MYLIP: variants seen among roughly 807,000 people sequenced by gnomAD.
MYLIP encodes the protein E3 ubiquitin-protein ligase MYLIP.
Under a neutral mutation model 45.8 loss-of-function variants are expected in MYLIP, and 26 were observed. The ratio of observed to expected loss-of-function variants is 0.57; its 90% CI spans 0.42 to 0.79. The LOEUF (loss-of-function observed/expected upper bound fraction) is 0.79, where lower values mean the gene tolerates loss of function less well. MYLIP is among the 30% of genes least tolerant of loss of function. The pLI is 0.00. For missense variants in MYLIP, 494 were observed against 555.6 expected, an observed-to-expected ratio of 0.89 and a Z score of 1.11; for synonymous variants, 213 against 218.1, an observed-to-expected ratio of 0.98 and a Z score of 0.21.
intron 2 of MYLIP, among the ~76,000 whole-genome samples, chr6:16,138,585 G>A (rs1237353401): frequency 6.6e-6 from 1 of 152,170 alleles, no homozygotes; most frequent in African/African-American, 2.4e-5. Flanking sequence ...GCTAGATTGT[G>A]GCTGGAGTTA....
Position 16,143,810 on chromosome 6 carries a change from C to T in MYLIP, c.774C>T (p.Thr258=). The change falls in exon 5 of 7, where the codon ACC becomes ACT. Residue 258 remains threonine, a synonymous_variant. Coordinates refer to ENST00000356840, the MANE Select transcript of MYLIP (RefSeq NM_013262.4). ...SIVLLFKMIS[T]RAASGLYRAI... ...TGCTCTTGTTTAAAATGATCAGCAC[C>T]AGGGCGGCCAGCGGGCTCTACCGAG... is the stretch of plus-strand genomic sequence containing the variant. 1 of 1,613,492 alleles carries T rather than the reference C, an allele frequency of 6.2e-7. No individual in the cohort carries two copies. The highest frequency in any genetic ancestry group is 8.5e-7 in the Non-Finnish European group (1 of 1,179,944).
chr6:16,137,227 T>C (rs1759574112), intron 2 of MYLIP, among the ~76,000 whole-genome samples: 1 of 152,236 alleles, frequency 6.6e-6, no homozygotes, highest in Admixed American at 6.5e-5. Context: ...AAAACTCTCA[T>C]AGCAATTCTG....
At chr6:16,161,333 A>G in the MYLIP span, 3 of 288,508 alleles carry the variant, frequency 1.0e-5, no homozygotes, top group Middle Eastern at 5.8e-4. Context: ...GGGTGCCCAC[A>G]ATTATCCTGA....
intron 2 of MYLIP, among the ~76,000 whole-genome samples, chr6:16,131,029 G>GGAAA (rs1491408324): frequency 8.7e-6 from 1 of 115,246 alleles, no homozygotes; most frequent in African/African-American, 3.4e-5. Flanking sequence ...GCTACCCCAG[G>GGAAA]AAAAAAAAAA....
chr6:16,154,395 C>CA, the MYLIP span, among the ~76,000 whole-genome samples: 1 of 152,162 alleles, frequency 6.6e-6, no homozygotes, highest in South Asian at 2.1e-4. Context: ...TGGTTCATTT[C>CA]ATTCTCACAA....
At chr6:16,155,667 T>G in the MYLIP span, among the ~76,000 whole-genome samples, 2 of 152,196 alleles carry the variant, frequency 1.3e-5, no homozygotes, top group Admixed American at 1.3e-4. Context: ...TCGAACCCAT[T>G]GCTCTCAGCT....
In MYLIP at chr6:16,129,216, G is replaced by A; in HGVS notation, c.-107G>A. 1.6e-6 allele frequency: 2 copies of A among 1,230,540 alleles called. No individual in the cohort carries two copies. The highest frequency in any genetic ancestry group is 2.3e-6 in the Non-Finnish European group (2 of 876,180). The allele number at this position is 1,230,540 out of a possible 1,614,324, so 76.2% of individuals were successfully genotyped here. The stretch of plus-strand genomic sequence containing the variant: ...AAGGGTCCGCAGAGCTGCAGCCTTC[G>A]AGGGCCAGCCCTCTCCGAGTCCGGG... On this transcript the variant is annotated 5_prime_UTR_variant, in exon 1 of 7. Transcript: ENST00000356840. This position sits in a 1 kb window ranked among gnomAD's most constrained non-coding sequence, Gnocchi z 5.1.
chr6:16,153,287 T>C, the MYLIP span, among the ~76,000 whole-genome samples: 1 of 152,212 alleles, frequency 6.6e-6, no homozygotes, highest in Non-Finnish European at 1.5e-5. Flanking sequence ...AACGGTAGGA[T>C]AAAAATATAG....
the MYLIP span, among the ~76,000 whole-genome samples, chr6:16,159,001 T>C: frequency 2.9e-3 from 440 of 152,360 alleles, 5 homozygotes; most frequent in African/African-American, 9.8e-3. Flanking sequence ...CAATGTTGAC[T>C]GAATACATTA....
chr6:16,135,566 A>G (rs1403664498), intron 2 of MYLIP, among the ~76,000 whole-genome samples: 1 of 152,050 alleles, frequency 6.6e-6, no homozygotes, highest in Non-Finnish European at 1.5e-5. Flanking sequence ...CAAGCCCTCC[A>G]TGAAGTAGAT....
At chr6:16,139,252 T>A (rs1277792780) in intron 2 of MYLIP, among the ~76,000 whole-genome samples, 1 of 151,864 alleles carries the variant, frequency 6.6e-6, no homozygotes, top group African/African-American at 2.4e-5. Flanking sequence ...AATACAAAAA[T>A]TAGACAGGCA....
At chr6:16,158,636 T>G in the MYLIP span, among the ~76,000 whole-genome samples, 1 of 152,150 alleles carries the variant, frequency 6.6e-6, no homozygotes, top group East Asian at 1.9e-4. Context: ...TCGAATAAGC[T>G]CTCTAAACTT....
At chr6:16,140,816 C>T (rs1759654245) in intron 2 of MYLIP, among the ~76,000 whole-genome samples, 1 of 152,144 alleles carries the variant, frequency 6.6e-6, no homozygotes, top group Admixed American at 6.5e-5. Flanking sequence ...CCGTACAGAT[C>T]CTTTGAAGGA....
intron 6 of MYLIP, among the ~76,000 whole-genome samples, chr6:16,145,924 T>C (rs745798121): frequency 1.3e-5 from 2 of 152,248 alleles, no homozygotes; most frequent in Non-Finnish European, 2.9e-5. Context: ...AAATTTCCTC[T>C]TACAAGTTTT....
chr6:16,143,183 T>C lies in MYLIP; in HGVS notation c.628T>C (p.Ser210Pro). 1 of 1,614,226 alleles carries C rather than the reference T, an allele frequency of 6.2e-7. No individual in the cohort carries two copies. Among genetic ancestry groups the C allele is most frequent in the Non-Finnish European group, 8.5e-7 (1 of 1,180,036 alleles). Reference sequence around the variant, plus strand: ...CATTGGGGTTGGACCTGAAGGAATCTCAATTTGTAAAGATGACTTTAGCCC... The same window carrying C: ...CATTGGGGTTGGACCTGAAGGAATCCCAATTTGTAAAGATGACTTTAGCCC... ...LLIGVGPEGI[S>P]ICKDDFSPIN... The change falls in exon 4 of 7, where the codon TCA becomes CCA. Residue 210 changes from serine to proline, a missense_variant. Coordinates refer to ENST00000356840, the MANE Select transcript of MYLIP (RefSeq NM_013262.4).
At chr6:16,143,630 A>G in intron 4 of MYLIP, 69 bp from the exon 5 acceptor site, 1 of 1,547,290 alleles carries the variant, frequency 6.5e-7, no homozygotes, top group Non-Finnish European at 8.8e-7. Context: ...TGGGGATCCC[A>G]CAAAGGCACA....
At chr6:16,149,541 C>T (rs955806018), downstream of MYLIP, among the ~76,000 whole-genome samples, 2 of 152,216 alleles carry the variant, frequency 1.3e-5, no homozygotes, top group Admixed American at 1.3e-4. Context: ...CGCTGCATGT[C>T]AGTGAACTGG....
intron 2 of MYLIP, among the ~76,000 whole-genome samples, chr6:16,131,149 T>C (rs1185708003): frequency 6.6e-6 from 1 of 152,142 alleles, no homozygotes; most frequent in Non-Finnish European, 1.5e-5. Flanking sequence ...TGCAGACTGT[T>C]CTAACAGAAA....
At chr6:16,137,553 G>A (rs1043198397) in intron 2 of MYLIP, among the ~76,000 whole-genome samples, 3 of 152,158 alleles carry the variant, frequency 2.0e-5, no homozygotes, top group African/African-American at 7.2e-5. Context: ...GTCATTAAAA[G>A]CTCTTAAAAA....
Sources: gnomAD v4.1 joint callset for allele counts (sites outside exome capture counted in the v4.1 genomes callset) on GRCh38, gnomAD v4.1.1 for gene constraint, Gnocchi (gnomAD v3.1) non-coding constraint, MANE v1.5 for transcripts, NCBI Gene and HGNC (gene_info 2026-07-23, HGNC 2026-07-21) for gene names.